ERBB4: variants seen among roughly 807,000 people sequenced by gnomAD.
ERBB4 encodes the protein erb-b2 receptor tyrosine kinase 4.
ERBB4 carries 42 observed loss-of-function variants against 158.0 expected under a neutral mutation model. The ratio of observed to expected loss-of-function variants is 0.27; its 90% confidence interval spans 0.21 to 0.34. The LOEUF (loss-of-function observed/expected upper bound fraction) is 0.34. ERBB4 is among the 10% of genes least tolerant of loss of function. The pLI is 1.00. For synonymous variants in ERBB4, 583 were observed against 558.7 expected, an observed-to-expected ratio of 1.04 and a Z score of -0.61; for missense variants, 1,333 against 1,624.1, an observed-to-expected ratio of 0.82 and a Z score of 3.08.
intron 3 of ERBB4, among the ~76,000 whole-genome samples, chr2:211,818,591 A>G (rs1158457346): frequency 6.6e-6 from 1 of 152,192 alleles, no homozygotes; most frequent in East Asian, 1.9e-4. Flanking sequence ...TAAAGGGAGC[A>G]CAAAATAAGG....
chr2:211,582,788 GAAC>G (rs1480316948), intron 19 of ERBB4, among the ~76,000 whole-genome samples: 1 of 152,128 alleles, frequency 6.6e-6, no homozygotes, highest in African/African-American at 2.4e-5. Context: ...ACATGTACTG[GAAC>G]ACCATAACCT....
At chr2:212,071,023 A>G (rs946666211) in intron 2 of ERBB4, among the ~76,000 whole-genome samples, 3 of 151,926 alleles carry the variant, frequency 2.0e-5, no homozygotes, top group Admixed American at 6.6e-5. Flanking sequence ...ACAATTCAGT[A>G]TCGTAATTTG....
rs115545175 is a variant in ERBB4, at chr2:211,395,695, C to T, written c.3136-7703G>A. Among the ~76,000 whole-genome samples the T allele has an allele frequency of 2.8e-3, 421 of 152,056 alleles. 3 individuals carry two copies. Among genetic ancestry groups the T allele is most frequent in the African/African-American group, 9.7e-3 (402 of 41,502 alleles). On this transcript the variant is annotated intron_variant, in intron 25 of 27. Coordinates refer to ENST00000342788, the MANE Select transcript of ERBB4 (RefSeq NM_005235.3). The stretch of plus-strand genomic sequence containing the variant: ...ATGGGATAATTAATATGGCCATACA[C>T]ATATTAATTAACATATTAGTTAAAA...
intron 3 of ERBB4, among the ~76,000 whole-genome samples, chr2:211,839,365 TAA>T (rs57264718): frequency 2.6e-5 from 4 of 151,202 alleles, no homozygotes; most frequent in Non-Finnish European, 4.4e-5. Context: ...CAAGATATAA[TAA>T]AAAAAAATAC....
intron 1 of ERBB4, among the ~76,000 whole-genome samples, chr2:212,353,870 T>G (rs1025422171): frequency 2.6e-5 from 4 of 152,198 alleles, no homozygotes; most frequent in Admixed American, 6.6e-5. Flanking sequence ...TTGTAACTTC[T>G]GGACCAGTGC....
chr2:211,867,175 C>T (rs1043269848), intron 3 of ERBB4, among the ~76,000 whole-genome samples: 4 of 151,882 alleles, frequency 2.6e-5, no homozygotes, highest in South Asian at 2.1e-4. Context: ...TTGTTTGTTT[C>T]GCTCAATGCA....
intron 4 of ERBB4, among the ~76,000 whole-genome samples, chr2:211,754,002 C>T (rs1222812856): frequency 8.6e-5 from 13 of 151,376 alleles, no homozygotes; most frequent in Non-Finnish European, 1.6e-4. Context: ...GGACTACAGG[C>T]GCCTGCCACC....
At chr2:212,212,952 A>T (rs905809915) in intron 1 of ERBB4, among the ~76,000 whole-genome samples, 1 of 152,168 alleles carries the variant, frequency 6.6e-6, no homozygotes, top group African/African-American at 2.4e-5. Flanking sequence ...TAAAAGCCAA[A>T]ATCTATAAAA....
chr2:212,206,589 C>CTTTTTTTTTTTTTTTTTTTTTTTTTTTTT lies in ERBB4; in HGVS notation c.83-81687_83-81686insAAAAAAAAAAAAAAAAAAAAAAAAAAAAA, dbSNP rs5838309. Among the ~76,000 whole-genome samples the CTTTTTTTTTTTTTTTTTTTTTTTTTTTTT allele has an allele frequency of 1.5e-3, 171 of 116,380 alleles. 19 individuals carry two copies. Among genetic ancestry groups the CTTTTTTTTTTTTTTTTTTTTTTTTTTTTT allele is most frequent in the African/African-American group, 1.9e-3 (53 of 27,668 alleles). 76.3% of individuals were successfully genotyped at this position (116,380 alleles called of 152,430 possible). On this transcript the variant is annotated intron_variant, in intron 1 of 27. Transcript: ENST00000342788. Reference sequence around the variant, plus strand: ...ATGAACTGTCTCCGTCTGTTCTGTTCTTTTTTTTTTTTTTTTGAGACGGAG... The same window carrying CTTTTTTTTTTTTTTTTTTTTTTTTTTTTT: ...ATGAACTGTCTCCGTCTGTTCTGTTCTTTTTTTTTTTTTTTTTTTTTTTTTTTTTTTTTTTTTTTTTTTTTGAGACGGAG...
intron 19 of ERBB4, among the ~76,000 whole-genome samples, chr2:211,572,436 C>T (rs17335169): frequency 0.047 from 7,193 of 152,226 alleles, 201 homozygotes; most frequent in Middle Eastern, 0.11. Flanking sequence ...CACCCTGCCA[C>T]GTGCTCAGTG....
chr2:212,494,894 CTTAA>C (rs1237553968), intron 1 of ERBB4, among the ~76,000 whole-genome samples: 2 of 152,068 alleles, frequency 1.3e-5, no homozygotes, highest in Non-Finnish European at 2.9e-5. Flanking sequence ...CCAGCTATTG[CTTAA>C]TTAACTTTAC....
intron 2 of ERBB4, among the ~76,000 whole-genome samples, chr2:211,958,770 T>A (rs897060138): frequency 2.0e-5 from 3 of 152,110 alleles, no homozygotes; most frequent in Non-Finnish European, 4.4e-5. Context: ...ATTCTCTTTC[T>A]AAGGTTTATT....
At chr2:212,537,310 T>G (rs1311910175) in intron 1 of ERBB4, among the ~76,000 whole-genome samples, 1 of 151,966 alleles carries the variant, frequency 6.6e-6, no homozygotes, top group Non-Finnish European at 1.5e-5. Context: ...CGGAAATCTC[T>G]CTGGCTCTCC....
intron 2 of ERBB4, among the ~76,000 whole-genome samples, chr2:212,123,130 G>T (rs925923016): frequency 1.3e-5 from 2 of 152,180 alleles, no homozygotes; most frequent in African/African-American, 4.8e-5. Flanking sequence ...GGCCGGGCGC[G>T]GTGGCTCACG....
chr2:212,506,030 A>G lies in ERBB4; in HGVS notation c.82+32419T>C, dbSNP rs76522327. On this transcript the variant is annotated intron_variant, in intron 1 of 27. Transcript: ENST00000342788. ...TTGTCAGCACCATTTTTCCAACAAC[A>G]TATGTTAATTCTGCATCTCTGGACA... is the stretch of plus-strand genomic sequence containing the variant. Among the ~76,000 whole-genome samples the G allele has an allele frequency of 3.2e-3, 476 of 148,994 alleles. 69 individuals carry two copies. Among genetic ancestry groups the G allele is most frequent in the Non-Finnish European group, 6.4e-3 (425 of 66,012 alleles).
At chr2:211,466,699 T>C (rs2064699068) in intron 20 of ERBB4, among the ~76,000 whole-genome samples, 1 of 152,108 alleles carries the variant, frequency 6.6e-6, no homozygotes, top group Non-Finnish European at 1.5e-5. Context: ...GTCAGAAAAG[T>C]GCTATGGTTT....
At chr2:211,931,303 TTTG>T (rs1392381986) in intron 3 of ERBB4, among the ~76,000 whole-genome samples, 6 of 152,112 alleles carry the variant, frequency 3.9e-5, no homozygotes, top group African/African-American at 1.4e-4. Flanking sequence ...ATAAACACAT[TTTG>T]TTACTATTAT....
chr2:211,638,949 T>A (rs1407291024), intron 16 of ERBB4, among the ~76,000 whole-genome samples: 1 of 152,140 alleles, frequency 6.6e-6, no homozygotes, highest in Non-Finnish European at 1.5e-5. Flanking sequence ...AACATTCTCA[T>A]GTTAAGGACA....
At chr2:212,270,231 T>C (rs750819568) in intron 1 of ERBB4, among the ~76,000 whole-genome samples, 13 of 151,848 alleles carry the variant, frequency 8.6e-5, no homozygotes, top group Admixed American at 5.9e-4. Flanking sequence ...ACAAACAAAA[T>C]AGATTATGAC....
Sources: allele counts gnomAD v4.1 joint callset (sites outside exome capture counted in the v4.1 genomes callset), GRCh38; gene constraint gnomAD v4.1.1; transcripts MANE v1.5; gene names NCBI Gene and HGNC (gene_info 2026-07-23, HGNC 2026-07-21).